The following CERS3 variants were observed in gnomAD, a reference collection of about 807,000 sequenced individuals.
The protein encoded by CERS3 is LAG1 homolog, ceramide synthase 3.
A neutral mutation model predicts 50.3 loss-of-function variants in CERS3; 33 were observed. The ratio of observed to expected loss-of-function variants is 0.66; its 90% CI spans 0.50 to 0.88. The LOEUF is 0.88. CERS3 is among the 40% of genes least tolerant of loss of function. The pLI is 0.00. For synonymous variants in CERS3, 176 were observed against 155.2 expected, an observed-to-expected ratio of 1.13 and a Z score of -0.99; for missense variants, 470 against 460.3, an observed-to-expected ratio of 1.02 and a Z score of -0.19.
chr15:100,408,855 A>G (rs1052514374), intron 11 of CERS3: 3 of 152,184 alleles, frequency 2.0e-5, no homozygotes, highest in African/African-American at 7.2e-5. Context: ...CATCAACAAC[A>G]TTTCCTCCTC....
At chr15:100,538,236 C>T (rs763293357) in intron 1 of CERS3, among the ~76,000 whole-genome samples, 1 of 152,256 alleles carries the variant, frequency 6.6e-6, no homozygotes, top group South Asian at 2.1e-4. Flanking sequence ...TCCAGGAGCA[C>T]AGTGCAAGCT....
chr15:100,514,347 A>T (rs908439568), intron 2 of CERS3, among the ~76,000 whole-genome samples: 1 of 152,246 alleles, frequency 6.6e-6, no homozygotes, highest in Non-Finnish European at 1.5e-5. Flanking sequence ...GAAGTTATTT[A>T]AAAATAATAT....
chr15:100,493,284 A>G (rs2035705350), intron 3 of CERS3, among the ~76,000 whole-genome samples: 1 of 152,108 alleles, frequency 6.6e-6, no homozygotes, highest in Non-Finnish European at 1.5e-5. Flanking sequence ...TTATTTGAGA[A>G]TGTCTTAATT....
rs74041467 is a variant in CERS3, at chr15:100,489,885, C to T, written c.288+932G>A. On this transcript the variant is annotated intron_variant, in intron 4 of 11. Transcript: ENST00000679737. ...GCAATTCTGGACACCATATCTCACG[C>T]GAGGTGGTCAAACCTCAATGTGCTT... 7.1e-3 allele frequency among the ~76,000 whole-genome samples: 1,075 copies of T among 152,284 alleles called. 17 individuals are homozygous for T. Among genetic ancestry groups the T allele is most frequent in the African/African-American group, 0.024 (1,001 of 41,554 alleles).
intron 11 of CERS3, among the ~76,000 whole-genome samples, chr15:100,443,770 CG>C: frequency 6.6e-6 from 1 of 152,044 alleles, no homozygotes; most frequent in South Asian, 2.1e-4. Flanking sequence ...CGATAGTGTC[CG>C]ACTGATCTCT....
At chr15:100,491,893 CT>C (rs35370636) in intron 3 of CERS3, among the ~76,000 whole-genome samples, 125,874 of 146,358 alleles carry the variant, frequency 0.86, 54,788 homozygotes, top group East Asian at 0.95. Context: ...TTATTGATTT[CT>C]TTTTTTTTTT....
intron 2 of CERS3, among the ~76,000 whole-genome samples, chr15:100,510,096 T>G (rs1596787941): frequency 6.6e-6 from 1 of 152,014 alleles, no homozygotes; most frequent in African/African-American, 2.4e-5. Flanking sequence ...GCACCTCCTG[T>G]GCACAGTGTT....
intron 4 of CERS3, among the ~76,000 whole-genome samples, chr15:100,489,603 T>C (rs1472334894): frequency 6.6e-6 from 1 of 152,142 alleles, no homozygotes. Flanking sequence ...AGAAGGATAA[T>C]AAAGGACCCA....
chr15:100,453,153 G>A (rs1262335515), intron 11 of CERS3, among the ~76,000 whole-genome samples: 1 of 150,872 alleles, frequency 6.6e-6, no homozygotes, highest in Non-Finnish European at 1.5e-5. Flanking sequence ...CATTCTACAA[G>A]GCCAGCGTTA....
At position 100,479,502 on chromosome 15, in the gene CERS3, G is replaced by C. The variant is rs1186666661; in HGVS notation, c.466-24C>G. ...TTCTGAAAGAAGAAAAAAAAAAAGAGCCAACAGATGAGAAATAAATTGGTC... is the reference window on the plus strand; with the variant it reads ...TTCTGAAAGAAGAAAAAAAAAAAGACCCAACAGATGAGAAATAAATTGGTC... On this transcript the variant is annotated intron_variant, in intron 6 of 11. Coordinates refer to ENST00000679737, the MANE Select transcript of CERS3 (RefSeq NM_001378789.1). The C allele has an allele frequency of 6.4e-6, 10 of 1,563,540 alleles. No individual in the cohort carries two copies. In the African/African-American group the frequency reaches 1.4e-4, roughly 22 times the overall value.
At chr15:100,433,078 T>C (rs1455634117) in intron 11 of CERS3, among the ~76,000 whole-genome samples, 2 of 151,848 alleles carry the variant, frequency 1.3e-5, no homozygotes, top group African/African-American at 2.4e-5. Context: ...CTACTAAAAA[T>C]ACAAAGAATC....
intron 11 of CERS3, among the ~76,000 whole-genome samples, chr15:100,445,878 C>G (rs2033913802): frequency 6.6e-6 from 1 of 152,184 alleles, no homozygotes; most frequent in South Asian, 2.1e-4. Flanking sequence ...CCTGTTCCTG[C>G]CGTAACTGAT....
chr15:100,407,562 A>G (rs2031145709), intron 11 of CERS3, among the ~76,000 whole-genome samples: 1 of 152,234 alleles, frequency 6.6e-6, no homozygotes, highest in Non-Finnish European at 1.5e-5. Flanking sequence ...CATGGTTTTA[A>G]TATATTCTGA....
chr15:100,494,577 T>C (rs544678013), intron 3 of CERS3, among the ~76,000 whole-genome samples: 27 of 152,268 alleles, frequency 1.8e-4, no homozygotes, highest in Admixed American at 1.0e-3. Context: ...TTCTTTGTGA[T>C]GTGTGAGCAC....
chr15:100,542,351 G>A (rs906793332), intron 1 of CERS3, among the ~76,000 whole-genome samples: 3 of 152,158 alleles, frequency 2.0e-5, no homozygotes, highest in African/African-American at 7.2e-5. Flanking sequence ...ATTTGGTCAC[G>A]CATGGCAACA....
intron 11 of CERS3, among the ~76,000 whole-genome samples, chr15:100,429,026 T>C (rs558473216): frequency 1.3e-5 from 2 of 152,332 alleles, no homozygotes; most frequent in South Asian, 2.1e-4. Flanking sequence ...TAATGAATGC[T>C]GAGAAAGGCA....
intron 11 of CERS3, among the ~76,000 whole-genome samples, chr15:100,404,412 A>ATG (rs2030817576): frequency 1.3e-5 from 2 of 152,224 alleles, no homozygotes; most frequent in Non-Finnish European, 2.9e-5. Flanking sequence ...CATGTATAGG[A>ATG]TCTGTATGTA....
intron 11 of CERS3, among the ~76,000 whole-genome samples, chr15:100,453,627 G>A (rs949639897): frequency 2.0e-5 from 3 of 152,116 alleles, no homozygotes; most frequent in East Asian, 1.9e-4. Context: ...CCTGTTTGAC[G>A]TAGTACTGGA....
chr15:100,421,238 C>T (rs2032403408), intron 11 of CERS3, among the ~76,000 whole-genome samples: 1 of 150,124 alleles, frequency 6.7e-6, no homozygotes, highest in African/African-American at 2.5e-5. Flanking sequence ...AGCAAAGTCT[C>T]AGGATACAAA....
Sources: allele counts gnomAD v4.1 joint callset (sites outside exome capture counted in the v4.1 genomes callset), GRCh38; gene constraint gnomAD v4.1.1; transcripts MANE v1.5; gene names NCBI Gene and HGNC (gene_info 2026-07-23, HGNC 2026-07-21).